Variants in TICRR observed in about 807,000 individuals in gnomAD.
TICRR encodes TOPBP1 interacting checkpoint and replication regulator.
Under a neutral mutation model 178.1 loss-of-function variants are expected in TICRR, and 132 were observed. The observed-to-expected ratio is 0.74, with a 90% confidence interval of 0.64 to 0.86. The LOEUF is 0.86. Among genes scored for constraint, TICRR ranks in the 40% least tolerant of loss-of-function variants. TICRR has a pLI of 0.00. For missense variants in TICRR, 2,587 were observed against 2,334.3 expected (o/e 1.11, Z -2.23); for synonymous variants, 991 against 900.7 (o/e 1.10, Z -1.79).
At position 89,582,956 on chromosome 15, in the gene TICRR, C is replaced by T. The variant is rs149692970; in HGVS notation, c.925C>T (p.Pro309Ser). 2.5e-6 allele frequency: 4 copies of T among 1,611,388 alleles called. No homozygotes were observed. The East Asian group carries it at 6.7e-5, about 27-fold the overall frequency. The change falls in exon 2 of 22, where the codon CCT (proline) becomes TCT (serine). Residue 309 changes from proline to serine, a missense_variant. Physicochemically the swap from Pro to Ser is moderately conservative, Grantham distance 74. Coordinates refer to ENST00000268138, the MANE Select transcript of TICRR (RefSeq NM_152259.4). ...ACGAATGGAAGGAATGTTATTTCTC[C>T]CTGTTGAAGGTAAGCAAATAATATT... ...FPRMEGMLFL[P>S]VEAGKEIQET...
At chr15:89,612,028 G>T (rs1233787499) in intron 15 of TICRR, among the ~76,000 whole-genome samples, 1 of 152,072 alleles carries the variant, frequency 6.6e-6, no homozygotes, top group African/African-American at 2.4e-5. Context: ...ATACTTTCTT[G>T]TTTCTTTGTA....
At position 89,601,579 on chromosome 15, in the gene TICRR, T is replaced by C. The variant is rs1254705349; in HGVS notation, c.2327+11T>C. ...GGAAATTTTGAGATTGTAAGTTTGA[T>C]GGTTACTAACTTAACTTTAAAATTG... On this transcript the variant is annotated intron_variant, in intron 11 of 21. Transcript: ENST00000268138. 1 of 1,613,294 alleles carries C rather than the reference T, an allele frequency of 6.2e-7. No homozygotes were observed. Among genetic ancestry groups the C allele is most frequent in the African/African-American group, 1.3e-5 (1 of 74,928 alleles).
At position 89,601,342 on chromosome 15, in the gene TICRR, G is replaced by A. The variant is rs1035598211; in HGVS notation, c.2198G>A (p.Cys733Tyr). 1 of 1,614,162 alleles carries A rather than the reference G, an allele frequency of 6.2e-7. No individual in the cohort carries two copies. The highest frequency in any genetic ancestry group is 1.7e-5 in the Admixed American group (1 of 60,020). ...VFLRLEMCLQ[C>Y]PSINESTDDM... is the part of the protein sequence containing the mutation. ...CTTCGTTTGGAGATGTGTCTGCAAT[G>A]CCCTTCAATAAATGAAAGTACAGAT... The change falls in exon 10 of 22, where the codon TGC (cysteine) becomes TAC (tyrosine). Residue 733 changes from cysteine (C) to tyrosine (Y), a missense_variant. Cys to Tyr is a radical substitution (Grantham distance 194, BLOSUM62 -2). Transcript: ENST00000268138.
Position 89,576,169 on chromosome 15 carries a change from A to C in TICRR, c.583A>C (p.Lys195Gln). 1 of 1,603,728 alleles carries C rather than the reference A, an allele frequency of 6.2e-7. No individual in the cohort carries two copies. The highest frequency in any genetic ancestry group is 1.7e-5 in the Admixed American group (1 of 59,978). Residue 195 changes from lysine to glutamine, a missense_variant, in exon 1 of 22, where the codon AAG (lysine) becomes CAG (glutamine). By Grantham distance (53) the Lys-to-Gln change is moderately conservative. Coordinates refer to ENST00000268138, the MANE Select transcript of TICRR (RefSeq NM_152259.4). ...GCAGGTGATGGAGAAGTTGTTGCCCAAGAGAGTCCGGGAAGTCATGGTCGC... is the reference window on the plus strand; with the variant it reads ...GCAGGTGATGGAGAAGTTGTTGCCCCAGAGAGTCCGGGAAGTCATGGTCGC... ...PKQVMEKLLP[K>Q]RVREVMVARK...
In TICRR at chr15:89,619,690, G is replaced by A. The variant is rs766682960; in HGVS notation, c.3020-18G>A. On this transcript the variant is annotated intron_variant, in intron 17 of 21. Transcript: ENST00000268138. ...TTGTAGTTGTCTTTGGTTACTTACTGTGGTTCTGATTTTACAGAAATAAGT... is the reference window on the plus strand; with the variant it reads ...TTGTAGTTGTCTTTGGTTACTTACTATGGTTCTGATTTTACAGAAATAAGT... The A allele has an allele frequency of 1.1e-5, 17 of 1,596,388 alleles. No homozygotes were observed. The highest frequency in any genetic ancestry group is 1.4e-5 in the Non-Finnish European group (16 of 1,173,522).
In TICRR at chr15:89,625,283, C is replaced by G. The variant is rs768626846; in HGVS notation, c.4973C>G (p.Ser1658Cys). The change falls in exon 20 of 22, where the codon TCT (serine) becomes TGT (cysteine). Residue 1658 changes from serine to cysteine, a missense_variant. Coordinates refer to ENST00000268138, the MANE Select transcript of TICRR (RefSeq NM_152259.4). ...TPTHGPSSTP[S>C]PFQTDGVPWT... ...ACCCACGGCCCTTCTAGTACCCCCT[C>G]TCCATTTCAAACAGATGGGGTTCCT... 2 of 1,614,086 alleles carry G rather than the reference C, an allele frequency of 1.2e-6. No homozygotes were observed. The highest frequency in any genetic ancestry group is 4.5e-5 in the East Asian group (2 of 44,868).
chr15:89,583,596 C>A (rs1962768528), intron 2 of TICRR, among the ~76,000 whole-genome samples: 1 of 152,188 alleles, frequency 6.6e-6, no homozygotes, highest in Non-Finnish European at 1.5e-5. Flanking sequence ...TTAACCTCCT[C>A]ATAAGATATG....
In TICRR at chr15:89,624,499, G is replaced by A; in HGVS notation, c.4189G>A (p.Glu1397Lys). Reference protein sequence around the residue: ...KTSDPRRSIVECQPDASATPG... With the variant: ...KTSDPRRSIVKCQPDASATPG... ...CTCTGATCCCAGAAGGAGCATCGTG[G>A]AGTGTCAGCCTGATGCCTCCGCTAC... The change falls in exon 20 of 22, where the codon GAG becomes AAG. Residue 1397 changes from glutamate to lysine, a missense_variant. Glu to Lys is a moderately conservative substitution (Grantham distance 56). Coordinates refer to ENST00000268138, the MANE Select transcript of TICRR (RefSeq NM_152259.4). 1 of 1,614,104 alleles carries A rather than the reference G, an allele frequency of 6.2e-7. No individual in the cohort carries two copies.
At chr15:89,590,117 A>T (rs927579637) in intron 4 of TICRR, among the ~76,000 whole-genome samples, 2 of 152,160 alleles carry the variant, frequency 1.3e-5, no homozygotes, top group East Asian at 3.8e-4. Context: ...GGGGCCAATG[A>T]CAAAGATAGG....
chr15:89,588,616 C>G lies in TICRR; in HGVS notation c.1411+2674C>G, dbSNP rs138579358. 3.1e-3 allele frequency among the ~76,000 whole-genome samples: 465 copies of G among 152,106 alleles called. 3 individuals carry two copies. The highest frequency in any genetic ancestry group is 0.014 in the Middle Eastern group (4 of 294). On this transcript the variant is annotated intron_variant, in intron 4 of 21. Transcript: ENST00000268138. ...AGGTGGAGGTGGTCAGAATGGGGTG[C>G]TTGAGATCATAGAGGGTGGTGACCA...
chr15:89,617,262 C>A (rs1054586531), intron 16 of TICRR, among the ~76,000 whole-genome samples: 3 of 152,194 alleles, frequency 2.0e-5, no homozygotes, highest in Non-Finnish European at 2.9e-5. Context: ...GGATTTTACA[C>A]ACTTGTGAAG....
Position 89,627,492 on chromosome 15 carries a change from C to G in TICRR, c.*406C>G, listed in dbSNP as rs148052073. The G allele has an allele frequency of 5.1e-6, 1 of 196,760 alleles. No homozygotes were observed. Among genetic ancestry groups the G allele is most frequent in the Non-Finnish European group, 1.0e-5 (1 of 96,622 alleles). The allele number at this position is 196,760 out of a possible 1,614,324, so 12.2% of individuals were successfully genotyped here. On this transcript the variant is annotated 3_prime_UTR_variant, in exon 22 of 22. Transcript: ENST00000268138. ...GGCTGGGCTGCTGCGACACAGGCAG[C>G]GCTTTGTAAACTGTGAAGCCATATA...
intron 4 of TICRR, among the ~76,000 whole-genome samples, chr15:89,586,539 C>G (rs1185647382): frequency 6.6e-6 from 1 of 152,040 alleles, no homozygotes; most frequent in Non-Finnish European, 1.5e-5. Flanking sequence ...AACAATAAGT[C>G]AGGAAAATTA....
Position 89,612,755 on chromosome 15 carries a change from C to T in TICRR, c.2870-3650C>T, listed in dbSNP as rs1251868422. On this transcript the variant is annotated intron_variant, in intron 15 of 21. Transcript: ENST00000268138. ...CATCATGTTGCATAACCTCACTCCC[C>T]TTGGAGATTACAATTAAGATATTAA... Among the ~76,000 whole-genome samples, 3 of 152,318 alleles carry T rather than the reference C, an allele frequency of 2.0e-5. No homozygotes were observed. The East Asian group carries it at 5.8e-4, about 29-fold the overall frequency.
rs1393720023 is a variant in TICRR at position 89,621,832 on chromosome 15, T to C, written c.3312+282T>C. ...CTGTTTATATTATATACTGCACAGATACCTTTCTGGAGTGTGTGACACTCA... is the reference window on the plus strand; with the variant it reads ...CTGTTTATATTATATACTGCACAGACACCTTTCTGGAGTGTGTGACACTCA... On this transcript the variant is annotated intron_variant, in intron 19 of 21. Transcript: ENST00000268138. 2.0e-5 allele frequency among the ~76,000 whole-genome samples: 3 copies of C among 152,140 alleles called. No individual in the cohort carries two copies. The East Asian group carries it at 5.8e-4, about 29-fold the overall frequency.
intron 15 of TICRR, 141 bp downstream of exon 15, chr15:89,609,090 T>C (rs2141970895): frequency 1.7e-6 from 1 of 576,590 alleles, no homozygotes. Flanking sequence ...GGTTTGTCAA[T>C]TTTGTTAATC....
At chr15:89,606,285 A>G (rs1423371424) in intron 13 of TICRR, among the ~76,000 whole-genome samples, 1 of 152,234 alleles carries the variant, frequency 6.6e-6, no homozygotes, top group Admixed American at 6.5e-5. Context: ...CAAAATGCTT[A>G]GGAGCAGAAG....
At chr15:89,611,292 C>T (rs1236110274) in intron 15 of TICRR, among the ~76,000 whole-genome samples, 1 of 151,530 alleles carries the variant, frequency 6.6e-6, no homozygotes. Context: ...ATTTTTTTTT[C>T]CCCCTTCAGG....
chr15:89,602,449 G>T (rs755060274), intron 12 of TICRR, among the ~76,000 whole-genome samples: 5 of 152,066 alleles, frequency 3.3e-5, no homozygotes, highest in African/African-American at 4.8e-5. Context: ...CATATATGCA[G>T]TTCGTCATTG....
Sources: allele counts gnomAD v4.1 joint callset (sites outside exome capture counted in the v4.1 genomes callset), GRCh38; gene constraint gnomAD v4.1.1; transcripts MANE v1.5; gene names NCBI Gene and HGNC (gene_info 2026-07-23, HGNC 2026-07-21).